Variants in ABLIM3 observed in about 807,000 individuals in gnomAD.
The protein encoded by ABLIM3 is actin-binding LIM protein 3.
ABLIM3 carries 61 observed loss-of-function variants against 109.5 expected under a neutral mutation model. The ratio of observed to expected loss-of-function variants is 0.56; its 90% CI spans 0.45 to 0.69. The LOEUF is 0.69. Among genes scored for constraint, ABLIM3 ranks in the 30% least tolerant of loss-of-function variants. The pLI is 0.00. For missense variants in ABLIM3, 796 were observed against 889.5 expected (o/e 0.89, Z 1.34); for synonymous variants, 300 against 324.8 (o/e 0.92, Z 0.82).
Position 149,239,824 on chromosome 5 carries a change from C to A in ABLIM3, c.1140C>A (p.Pro380=), listed in dbSNP as rs1320581836. 33 of 1,611,334 alleles carry A rather than the reference C, an allele frequency of 2.0e-5. No individual in the cohort carries two copies. Among genetic ancestry groups the A allele is most frequent in the East Asian group, 1.8e-4 (8 of 44,436 alleles). ...CCAGCCCGGGGTACATAGACTCCCC[C>A]ACCTACAGCCGGCAGGGCATGTCCC... ...RASSPGYIDS[P]TYSRQGMSPT... is the part of the protein sequence containing the mutation. The change falls in exon 13 of 24, where the codon CCC becomes CCA. Residue 380 remains proline (P), a synonymous_variant. Coordinates refer to ENST00000309868, the MANE Select transcript of ABLIM3 (RefSeq NM_014945.5).
chr5:149,215,601 A>G (rs1759997131), intron 7 of ABLIM3, among the ~76,000 whole-genome samples: 1 of 152,162 alleles, frequency 6.6e-6, no homozygotes, highest in African/African-American at 2.4e-5. Flanking sequence ...ATTGGAAGGA[A>G]CCCATTAGCA....
At chr5:149,253,854 G>A (rs796718988) in intron 23 of ABLIM3, among the ~76,000 whole-genome samples, 7 of 152,202 alleles carry the variant, frequency 4.6e-5, no homozygotes, top group Admixed American at 1.3e-4. Flanking sequence ...TCTCTAATGC[G>A]GCTAATGAAG....
At chr5:149,158,158 A>G (rs1362883049) in intron 2 of ABLIM3, among the ~76,000 whole-genome samples, 1 of 152,286 alleles carries the variant, frequency 6.6e-6, no homozygotes, top group African/African-American at 2.4e-5. Flanking sequence ...TAATTTATTC[A>G]TGTGCATTTC....
intron 7 of ABLIM3, chr5:149,216,730 G>A (rs1760126013): frequency 1.9e-6 from 1 of 519,238 alleles, no homozygotes; most frequent in South Asian, 2.9e-5. Flanking sequence ...AGAAGAGCAG[G>A]TATTCAGGGA....
intron 3 of ABLIM3, among the ~76,000 whole-genome samples, chr5:149,185,548 G>T (rs77174449): frequency 3.9e-5 from 6 of 152,018 alleles, no homozygotes; most frequent in Non-Finnish European, 8.8e-5. Context: ...AATACAGAAC[G>T]GAATAATTTG....
In ABLIM3 at chr5:149,200,497, T is replaced by C. The variant is rs41291951; in HGVS notation, c.448+69T>C. ...TCTCTGGGCTCCCCTTTCCCAGCAC[T>C]GCCAACTGCTCCCACGGGCCTGGAG... On this transcript the variant is annotated intron_variant, in intron 5 of 23. Transcript: ENST00000309868. The C allele has an allele frequency of 8.3e-3, 12,481 of 1,507,376 alleles. 69 individuals carry two copies. Among genetic ancestry groups the C allele is most frequent in the Non-Finnish European group, 0.011 (11,468 of 1,088,992 alleles). 93.4% of individuals were successfully genotyped at this position (1,507,376 alleles called of 1,614,324 possible). A position where few individuals can be genotyped will look rare whatever the true frequency, so the allele number is the denominator to read the frequency against.
At chr5:149,147,492 A>G (rs955104007) in intron 2 of ABLIM3, among the ~76,000 whole-genome samples, 5 of 152,238 alleles carry the variant, frequency 3.3e-5, no homozygotes, top group African/African-American at 7.2e-5. Flanking sequence ...TTTTGCATCT[A>G]TGTTCATCAG....
intron 19 of ABLIM3, 53 bp downstream of exon 19, chr5:149,249,897 C>T: frequency 6.3e-7 from 1 of 1,597,512 alleles, no homozygotes; most frequent in Non-Finnish European, 8.6e-7. Flanking sequence ...AGGGACAGAG[C>T]TGTGTCAGCT....
At chr5:149,213,978 G>A (rs987045934) in intron 7 of ABLIM3, among the ~76,000 whole-genome samples, 6 of 84,712 alleles carry the variant, frequency 7.1e-5, no homozygotes, top group African/African-American at 2.5e-4. Flanking sequence ...CCAGGCTGCT[G>A]TATCTACCGA....
At chr5:149,174,866 T>C (rs1279445784) in intron 2 of ABLIM3, 1 of 152,232 alleles carries the variant, frequency 6.6e-6, no homozygotes, top group African/African-American at 2.4e-5. Context: ...ACATATAAAA[T>C]GGAGATCATA....
rs17795729 is a variant in ABLIM3, at chr5:149,209,783, G to T, written c.576-943G>T. Among the ~76,000 whole-genome samples the T allele has an allele frequency of 0.011, 1,607 of 152,238 alleles. 63 individuals are homozygous for T. In the East Asian group the frequency reaches 0.12, roughly 12 times the overall value. ...TCACAAACAAGTCCTTGCCTTGTGG[G>T]CACAGTCACACCTCCAGACCTTGGT... On this transcript the variant is annotated intron_variant, in intron 6 of 23. Transcript: ENST00000309868.
At position 149,221,907 on chromosome 5, in the gene ABLIM3, C is replaced by T. The variant is rs150929338; in HGVS notation, c.757+4861C>T. ...TACCCTTCTGTCTACACCAAATACC[C>T]TCCTGTTCTAAGACCTGAGACAATA... On this transcript the variant is annotated intron_variant, in intron 8 of 23. Coordinates refer to ENST00000309868, the MANE Select transcript of ABLIM3 (RefSeq NM_014945.5). 6.6e-3 allele frequency among the ~76,000 whole-genome samples: 1,010 copies of T among 152,212 alleles called. 9 individuals are homozygous for T. The highest frequency in any genetic ancestry group is 0.019 in the South Asian group (93 of 4,828).
chr5:149,204,238 A>ATGC (rs1371851529), intron 5 of ABLIM3, among the ~76,000 whole-genome samples: 1 of 152,202 alleles, frequency 6.6e-6, no homozygotes, highest in Non-Finnish European at 1.5e-5. Flanking sequence ...AGCATCATAC[A>ATGC]TTCTGCCAGC....
At chr5:149,225,443 G>A (rs1353666733) in intron 8 of ABLIM3, among the ~76,000 whole-genome samples, 2 of 152,214 alleles carry the variant, frequency 1.3e-5, no homozygotes, top group Non-Finnish European at 2.9e-5. Context: ...CTCACCCTGA[G>A]AATAATGCTT....
intron 8 of ABLIM3, among the ~76,000 whole-genome samples, chr5:149,228,829 A>G (rs1761563273): frequency 6.6e-6 from 1 of 152,050 alleles, no homozygotes; most frequent in Admixed American, 6.6e-5. Flanking sequence ...AGAGTGCTGA[A>G]GTTAATGGCC....
At chr5:149,144,992 C>A (rs1752788452) in intron 2 of ABLIM3, among the ~76,000 whole-genome samples, 1 of 152,040 alleles carries the variant, frequency 6.6e-6, no homozygotes, top group African/African-American at 2.4e-5. Flanking sequence ...TTTTAAATTT[C>A]AACTTTTATT....
At chr5:149,168,119 TG>T (rs1427103676) in intron 2 of ABLIM3, among the ~76,000 whole-genome samples, 1 of 152,174 alleles carries the variant, frequency 6.6e-6, no homozygotes, top group African/African-American at 2.4e-5. Flanking sequence ...AAATGACTGC[TG>T]GGCAAGAGAT....
rs1754705862 is a variant in ABLIM3, at chr5:149,259,276, C to T, written c.*872C>T. ...AGCACCTCCTGACCCTTCCCTCTTT[C>T]AAGGAGAAGCCCATGATTGCAGCTT... On this transcript the variant is annotated 3_prime_UTR_variant, in exon 24 of 24. Transcript: ENST00000309868. The T allele has an allele frequency of 7.5e-7, 1 of 1,339,918 alleles. No individual in the cohort carries two copies. The highest frequency in any genetic ancestry group is 3.2e-5 in the Admixed American group (1 of 31,404). The allele number at this position is 1,339,918 out of a possible 1,614,324, so 83.0% of individuals were successfully genotyped here.
chr5:149,247,893 C>T lies in ABLIM3; in HGVS notation c.1663C>T (p.Leu555=), dbSNP rs1753542107. ...GAGCTCCACCAGCAGCCGGGAAGCC[C>T]TGCACACAGCTGGCTATGAGATGTC... is the stretch of plus-strand genomic sequence containing the variant. The part of the protein sequence containing the change: ...PRSSTSSREA[L]HTAGYEMSLN... The change falls in exon 18 of 24, where the codon CTG becomes TTG. Residue 555 remains leucine, a synonymous_variant. Coordinates refer to ENST00000309868, the MANE Select transcript of ABLIM3 (RefSeq NM_014945.5). The T allele has an allele frequency of 6.2e-7, 1 of 1,614,110 alleles. No individual in the cohort carries two copies. The highest frequency in any genetic ancestry group is 1.7e-5 in the Admixed American group (1 of 60,006).
Sources: allele counts gnomAD v4.1 joint callset (sites outside exome capture counted in the v4.1 genomes callset), GRCh38; gene constraint gnomAD v4.1.1; transcripts MANE v1.5; gene names NCBI Gene and HGNC (gene_info 2026-07-23, HGNC 2026-07-21).